NTRK2: variants seen among roughly 807,000 people sequenced by gnomAD.
NTRK2 encodes BDNF/NT-3 growth factors receptor.
Under a neutral mutation model 94.5 loss-of-function variants are expected in NTRK2, and 13 were observed. The observed-to-expected ratio is 0.14, with a 90% CI of 0.09 to 0.22. NTRK2 has a LOEUF of 0.22. Ranked by LOEUF, NTRK2 falls within the 10% of genes least tolerant of loss-of-function variation. The pLI is 1.00. For synonymous variants in NTRK2, 372 were observed against 407.4 expected (o/e 0.91, Z 1.05); for missense variants, 639 against 1,071.2 (o/e 0.60, Z 5.63).
rs534086160 is a variant in NTRK2, at chr9:84,962,636, A to G, written c.2172+7119A>G. Among the ~76,000 whole-genome samples, 6 of 152,250 alleles carry G rather than the reference A, an allele frequency of 3.9e-5. No homozygotes were observed. In the East Asian group the frequency reaches 1.2e-3, roughly 29 times the overall value. Reference sequence around the variant, plus strand: ...AAGTGGACATTGCCCATTGGCTTGGATGGGGCAGAAGGACTCTGATGCCTC... The same window carrying G: ...AAGTGGACATTGCCCATTGGCTTGGGTGGGGCAGAAGGACTCTGATGCCTC... On this transcript the variant is annotated intron_variant, in intron 17 of 18. Transcript: ENST00000277120.
At chr9:84,953,405 G>A (rs764385781) in intron 16 of NTRK2, among the ~76,000 whole-genome samples, 8 of 152,220 alleles carry the variant, frequency 5.3e-5, no homozygotes, top group Non-Finnish European at 8.8e-5. Context: ...GGGGCAGTTA[G>A]TATCTACAAT....
chr9:85,021,394 A>G lies in NTRK2; in HGVS notation c.2474A>G (p.Asn825Ser). Residue 825 changes from asparagine to serine, a missense_variant, in exon 19 of 19, where the codon AAC becomes AGC. Asn to Ser is a conservative substitution (Grantham distance 46). Transcript: ENST00000277120. ...AAGGGCATCCATACCCTCCTTCAGA[A>G]CTTGGCCAAGGCATCTCCGGTCTAC... is the stretch of plus-strand genomic sequence containing the variant. ...NIKGIHTLLQ[N>S]LAKASPVYLD... is the part of the protein sequence containing the mutation. 1 of 1,614,088 alleles carries G rather than the reference A, an allele frequency of 6.2e-7. No homozygotes were observed. The highest frequency in any genetic ancestry group is 8.5e-7 in the Non-Finnish European group (1 of 1,180,002).
chr9:84,761,160 G>A (rs1445584966), intron 12 of NTRK2, among the ~76,000 whole-genome samples: 6 of 152,172 alleles, frequency 3.9e-5, no homozygotes. Flanking sequence ...GAATGAGAGA[G>A]AGAATGAGCC....
chr9:84,984,215 G>A (rs915746481), intron 17 of NTRK2, among the ~76,000 whole-genome samples: 6 of 152,148 alleles, frequency 3.9e-5, no homozygotes, highest in African/African-American at 1.4e-4. Flanking sequence ...GCTCATACCT[G>A]TAATCCCAGC....
intron 17 of NTRK2, among the ~76,000 whole-genome samples, chr9:85,019,196 A>G (rs1275598829): frequency 2.0e-5 from 3 of 152,292 alleles, no homozygotes; most frequent in African/African-American, 4.8e-5. Context: ...CAGAAACTCT[A>G]TGCACCATTA....
chr9:84,693,584 G>A (rs2060188363), intron 2 of NTRK2, among the ~76,000 whole-genome samples: 1 of 152,132 alleles, frequency 6.6e-6, no homozygotes, highest in Admixed American at 6.5e-5. Flanking sequence ...GTGACATTAA[G>A]CTCACCAGCT....
At chr9:84,800,272 G>C (rs2070253733) in intron 12 of NTRK2, among the ~76,000 whole-genome samples, 1 of 151,814 alleles carries the variant, frequency 6.6e-6, no homozygotes, top group Non-Finnish European at 1.5e-5. Flanking sequence ...GCATGATTTA[G>C]GCCCACTGCA....
At chr9:84,827,541 G>T (rs1314809587) in intron 12 of NTRK2, among the ~76,000 whole-genome samples, 1 of 152,128 alleles carries the variant, frequency 6.6e-6, no homozygotes, top group African/African-American at 2.4e-5. Flanking sequence ...TTAAATGTTG[G>T]CAAACAATGT....
intron 17 of NTRK2, among the ~76,000 whole-genome samples, chr9:84,986,263 T>A (rs943109190): frequency 1.3e-5 from 2 of 152,034 alleles, no homozygotes; most frequent in Admixed American, 6.6e-5. Context: ...ATTCCCCAAC[T>A]TTTTTGGCAC....
chr9:84,671,719 A>G (rs2058709860), intron 2 of NTRK2, among the ~76,000 whole-genome samples: 1 of 152,264 alleles, frequency 6.6e-6, no homozygotes, highest in Non-Finnish European at 1.5e-5. Context: ...AGCACTGGGT[A>G]GAACTCTGAT....
At chr9:84,995,922 G>A (rs777910432) in intron 17 of NTRK2, among the ~76,000 whole-genome samples, 1 of 152,188 alleles carries the variant, frequency 6.6e-6, no homozygotes, top group Non-Finnish European at 1.5e-5. Context: ...GAGAACCTCA[G>A]CTAAGTCAAC....
chr9:84,910,952 T>C (rs370807681), intron 14 of NTRK2, among the ~76,000 whole-genome samples: 1 of 152,204 alleles, frequency 6.6e-6, no homozygotes, highest in Admixed American at 6.5e-5. Context: ...GGGATTTTGA[T>C]AGGAATGGTG....
intron 17 of NTRK2, among the ~76,000 whole-genome samples, chr9:84,967,987 G>T (rs1490019395): frequency 6.6e-6 from 1 of 152,158 alleles, no homozygotes; most frequent in African/African-American, 2.4e-5. Flanking sequence ...AGACTTCATT[G>T]TAGGAACAAC....
intron 12 of NTRK2, among the ~76,000 whole-genome samples, chr9:84,795,887 C>A (rs1406384099): frequency 5.9e-5 from 9 of 152,084 alleles, no homozygotes; most frequent in African/African-American, 2.2e-4. Flanking sequence ...GTAATATGGA[C>A]CCTTGCACCT....
At chr9:84,831,251 G>A (rs965644116) in intron 12 of NTRK2, among the ~76,000 whole-genome samples, 3 of 152,050 alleles carry the variant, frequency 2.0e-5, no homozygotes, top group Non-Finnish European at 4.4e-5. Context: ...ATAATATATT[G>A]CCAATTTACT....
intron 12 of NTRK2, among the ~76,000 whole-genome samples, chr9:84,800,153 A>G (rs1443743761): frequency 1.3e-5 from 2 of 152,086 alleles, no homozygotes; most frequent in African/African-American, 2.4e-5. Flanking sequence ...TTGGACAGCT[A>G]GTTCTGTTGT....
intron 17 of NTRK2, among the ~76,000 whole-genome samples, chr9:85,010,511 G>A (rs1001896599): frequency 3.9e-5 from 6 of 152,178 alleles, no homozygotes; most frequent in South Asian, 2.1e-4. Context: ...GCTTTGGAAT[G>A]CACAACTTCC....
At chr9:84,986,227 G>C (rs1283817648) in intron 17 of NTRK2, among the ~76,000 whole-genome samples, 2 of 152,076 alleles carry the variant, frequency 1.3e-5, no homozygotes, top group Non-Finnish European at 2.9e-5. Context: ...TATTCAGACT[G>C]TCTGATAGTA....
intron 9 of NTRK2, among the ~76,000 whole-genome samples, chr9:84,733,962 T>A (rs1380093256): frequency 6.6e-6 from 1 of 152,210 alleles, no homozygotes; most frequent in Non-Finnish European, 1.5e-5. Flanking sequence ...ATAGTTAGCC[T>A]CCACTTTCCA....
Sources: allele counts gnomAD v4.1 joint callset (sites outside exome capture counted in the v4.1 genomes callset), GRCh38; gene constraint gnomAD v4.1.1; transcripts MANE v1.5; gene names NCBI Gene and HGNC (gene_info 2026-07-23, HGNC 2026-07-21).